SLC25A21: variants seen among roughly 807,000 people sequenced by gnomAD.
SLC25A21 encodes the protein mitochondrial 2-oxodicarboxylate carrier.
Under a neutral mutation model 43.8 loss-of-function variants are expected in SLC25A21, and 47 were observed. That is an observed-to-expected ratio of 1.07 (90% CI 0.85 to 1.37). The LOEUF is 1.37. SLC25A21 is among the 40% of genes most tolerant of loss of function. SLC25A21 has a pLI of 0.00. For missense variants in SLC25A21, 352 were observed against 350.2 expected, an observed-to-expected ratio of 1.00 and a Z score of -0.04; for synonymous variants, 131 against 121.3, an observed-to-expected ratio of 1.08 and a Z score of -0.52.
At chr14:37,083,325 A>T (rs1377733310) in intron 1 of SLC25A21, among the ~76,000 whole-genome samples, 2 of 152,196 alleles carry the variant, frequency 1.3e-5, no homozygotes, top group Non-Finnish European at 2.9e-5. Flanking sequence ...GCAGCTATAT[A>T]CTTCTAGGGT....
intron 3 of SLC25A21, among the ~76,000 whole-genome samples, chr14:36,767,482 A>AAGCT (rs1484077029): frequency 6.6e-6 from 1 of 152,212 alleles, no homozygotes; most frequent in Non-Finnish European, 1.5e-5. Context: ...CCTTAGAGAG[A>AAGCT]AGCTAGGAAG....
At chr14:36,787,656 G>A (rs952893951) in intron 3 of SLC25A21, among the ~76,000 whole-genome samples, 3 of 152,130 alleles carry the variant, frequency 2.0e-5, no homozygotes, top group Admixed American at 6.5e-5. Context: ...CAAATGTTGT[G>A]TACAAAATAA....
intron 1 of SLC25A21, among the ~76,000 whole-genome samples, chr14:36,953,089 A>G (rs1207459263): frequency 6.6e-6 from 1 of 152,158 alleles, no homozygotes; most frequent in Non-Finnish European, 1.5e-5. Flanking sequence ...ATGTCTAAAC[A>G]CTGCTTTTGG....
rs1375228286 is a variant in SLC25A21 at position 36,684,669 on chromosome 14, T to C, written c.785+75A>G. 1.5e-5 allele frequency: 21 copies of C among 1,398,662 alleles called. No homozygotes were observed. The Admixed American group carries it at 4.3e-4, about 29-fold the overall frequency. The allele number at this position is 1,398,662 out of a possible 1,614,324, so 86.6% of individuals were successfully genotyped here. A position where few individuals can be genotyped will look rare whatever the true frequency, so the allele number is the denominator to read the frequency against. On this transcript the variant is annotated intron_variant, in intron 8 of 9. Transcript: ENST00000331299. ...TTAGGAGGGCTTACTGGTTCTCATC[T>C]AAATGGAAGGACAATACGGTTCTAA...
At chr14:36,885,663 T>TAA (rs1382472908) in intron 1 of SLC25A21, among the ~76,000 whole-genome samples, 3 of 152,238 alleles carry the variant, frequency 2.0e-5, no homozygotes, top group Non-Finnish European at 4.4e-5. Flanking sequence ...AGTGTACTGA[T>TAA]AAGTTTTGAG....
intron 1 of SLC25A21, among the ~76,000 whole-genome samples, chr14:37,153,527 G>A (rs1963795585): frequency 1.3e-5 from 2 of 152,204 alleles, no homozygotes; most frequent in South Asian, 4.1e-4. Context: ...TGGGGTGGGG[G>A]AACAAGCTAA....
intron 1 of SLC25A21, among the ~76,000 whole-genome samples, chr14:37,010,072 C>T (rs1960697407): frequency 6.6e-6 from 1 of 152,160 alleles, no homozygotes; most frequent in Non-Finnish European, 1.5e-5. Flanking sequence ...GGACCTACTG[C>T]CTCTTTTAGC....
chr14:37,104,917 G>T (rs1419740272), intron 1 of SLC25A21, among the ~76,000 whole-genome samples: 2 of 152,120 alleles, frequency 1.3e-5, no homozygotes, highest in Non-Finnish European at 2.9e-5. Context: ...AAATACAGCA[G>T]ATCTGTATTT....
At chr14:36,867,683 C>T (rs1004647175) in intron 2 of SLC25A21, among the ~76,000 whole-genome samples, 2 of 152,062 alleles carry the variant, frequency 1.3e-5, no homozygotes, top group Non-Finnish European at 2.9e-5. Context: ...AAACACTTCC[C>T]CCTCCCATAC....
chr14:37,002,584 T>G (rs1461656282), intron 1 of SLC25A21, among the ~76,000 whole-genome samples: 1 of 152,142 alleles, frequency 6.6e-6, no homozygotes, highest in Non-Finnish European at 1.5e-5. Flanking sequence ...GTCTGTAAAC[T>G]GGGGTTAATA....
At chr14:36,812,777 G>C (rs1397049157) in intron 3 of SLC25A21, among the ~76,000 whole-genome samples, 1 of 152,078 alleles carries the variant, frequency 6.6e-6, no homozygotes, top group African/African-American at 2.4e-5. Flanking sequence ...GCAGTTAAGA[G>C]CGTGGGCTTT....
At chr14:37,170,935 A>AT (rs1348900622) in intron 1 of SLC25A21, among the ~76,000 whole-genome samples, 1 of 148,544 alleles carries the variant, frequency 6.7e-6, no homozygotes, top group Non-Finnish European at 1.5e-5. Flanking sequence ...AAAAATTAAA[A>AT]AAAAAAATAG....
intron 1 of SLC25A21, among the ~76,000 whole-genome samples, chr14:36,906,762 C>T (rs1891547474): frequency 6.6e-6 from 1 of 152,116 alleles, no homozygotes; most frequent in South Asian, 2.1e-4. Flanking sequence ...CTCAGCCTCC[C>T]AAAGTGCTGG....
In SLC25A21 at chr14:36,688,342, G is replaced by A. The variant is rs183231313; in HGVS notation, c.604-3417C>T. 2.6e-4 allele frequency among the ~76,000 whole-genome samples: 39 copies of A among 152,254 alleles called. 1 individual carries two copies. In the Middle Eastern group the frequency reaches 0.014, roughly 53 times the overall value. Reference sequence around the variant, plus strand: ...CACTTAGTGTTCAGTATATTTTTGCGTGTATCTCTCTTCCCTGCAGGGCTC... The same window carrying A: ...CACTTAGTGTTCAGTATATTTTTGCATGTATCTCTCTTCCCTGCAGGGCTC... On this transcript the variant is annotated intron_variant, in intron 7 of 9. Transcript: ENST00000331299.
At chr14:36,845,313 T>C (rs531483494) in intron 2 of SLC25A21, among the ~76,000 whole-genome samples, 2 of 152,310 alleles carry the variant, frequency 1.3e-5, no homozygotes, top group South Asian at 2.1e-4. Flanking sequence ...TAGAAATTGA[T>C]GGATTTCTGA....
intron 1 of SLC25A21, among the ~76,000 whole-genome samples, chr14:36,947,496 TATCCAGCAAAGAAAGGCTGGG>T (rs1217482859): frequency 1.3e-5 from 2 of 152,146 alleles, no homozygotes; most frequent in Non-Finnish European, 2.9e-5. Flanking sequence ...GATCATTTAT[TATCCAGCAAAGAAAGGCTGGG>T]TTTTTGCTCC....
chr14:36,793,039 A>G (rs1337221514), intron 3 of SLC25A21, among the ~76,000 whole-genome samples: 1 of 152,200 alleles, frequency 6.6e-6, no homozygotes, highest in Non-Finnish European at 1.5e-5. Flanking sequence ...ATGGCGTCTT[A>G]TACTGGCATT....
intron 6 of SLC25A21, among the ~76,000 whole-genome samples, chr14:36,718,081 T>C (rs1884221807): frequency 6.6e-6 from 1 of 152,136 alleles, no homozygotes; most frequent in Non-Finnish European, 1.5e-5. Flanking sequence ...AGGGAAAAAC[T>C]CACATAAGGC....
intron 3 of SLC25A21, among the ~76,000 whole-genome samples, chr14:36,759,942 T>TG: frequency 1.3e-5 from 2 of 152,094 alleles, no homozygotes; most frequent in Non-Finnish European, 2.9e-5. Flanking sequence ...CACTCCAGCC[T>TG]GGTGACAGAG....
Sources: gnomAD v4.1 joint callset for allele counts (sites outside exome capture counted in the v4.1 genomes callset) on GRCh38, gnomAD v4.1.1 for gene constraint, MANE v1.5 for transcripts, NCBI Gene and HGNC (gene_info 2026-07-23, HGNC 2026-07-21) for gene names.